Variants in BLOC1S3 observed in about 807,000 individuals in gnomAD.
The protein encoded by BLOC1S3 is biogenesis of lysosomal organelles complex 1 subunit 3.
Under a neutral mutation model 9.1 loss-of-function variants are expected in BLOC1S3, and 7 were observed. The ratio of observed to expected loss-of-function variants is 0.77; its 90% confidence interval spans 0.44 to 1.45. BLOC1S3 has a LOEUF of 1.45. Ranked by LOEUF, BLOC1S3 falls within the 40% of genes most tolerant of loss-of-function variation. The probability of loss-of-function intolerance (pLI) is 0.01; values close to 1 mark genes in which losing one functional copy is unlikely to be tolerated. For missense variants in BLOC1S3, 307 were observed against 315.2 expected (o/e 0.97, Z 0.20); for synonymous variants, 145 against 158.4 (o/e 0.92, Z 0.64).
chr19:45,200,827 T>C (rs1395981774), intron 2 of BLOC1S3, among the ~76,000 whole-genome samples: 1 of 152,230 alleles, frequency 6.6e-6, no homozygotes, highest in Non-Finnish European at 1.5e-5. Context: ...TTGAGTGTTG[T>C]GAACTAAACT....
At chr19:45,203,541 G>A (rs1336913367) in intron 3 of BLOC1S3, among the ~76,000 whole-genome samples, 2 of 152,096 alleles carry the variant, frequency 1.3e-5, no homozygotes, top group Admixed American at 1.3e-4. Flanking sequence ...CAAAGTGCTG[G>A]GATTACAGGC....
chr19:45,189,888 G>C (rs1969592650), intron 2 of BLOC1S3, among the ~76,000 whole-genome samples: 1 of 151,980 alleles, frequency 6.6e-6, no homozygotes, highest in Non-Finnish European at 1.5e-5. Flanking sequence ...TTTAAGTCCA[G>C]TAATTCTTAG....
At chr19:45,215,017 G>A (rs977536177) in intron 3 of BLOC1S3, among the ~76,000 whole-genome samples, 2 of 151,878 alleles carry the variant, frequency 1.3e-5, no homozygotes, top group Non-Finnish European at 2.9e-5. Flanking sequence ...TTAGCCGGGC[G>A]TGGTGGCACA....
chr19:45,207,570 A>C lies in BLOC1S3; in HGVS notation n.282+5063A>C, dbSNP rs796348006. On this transcript the variant is annotated intron_variant and non_coding_transcript_variant, in intron 3 of 3. Coordinates refer to the BLOC1S3 transcript ENST00000591569. ...GACTCTGTCTCAAAAAAAAAAAAAA[A>C]AAAAAAAAAAAAAAAACCTAGCTGG... Among the ~76,000 whole-genome samples, 56 of 149,160 alleles carry C rather than the reference A, an allele frequency of 3.8e-4. 1 individual carries two copies. Among genetic ancestry groups the C allele is most frequent in the Admixed American group, 6.7e-4 (10 of 14,972 alleles).
Position 45,213,898 on chromosome 19 carries a change from G to A in BLOC1S3, n.283-2778G>A, listed in dbSNP as rs1291669268. Among the ~76,000 whole-genome samples the A allele has an allele frequency of 2.6e-5, 4 of 151,920 alleles. 1 individual carries two copies. The highest frequency in any genetic ancestry group is 9.7e-5 in the African/African-American group (4 of 41,350). On this transcript the variant is annotated intron_variant and non_coding_transcript_variant, in intron 3 of 3. Transcript: ENST00000591569. The stretch of plus-strand genomic sequence containing the variant: ...AAACCTGGGAGGCAGAGGTTGCAGT[G>A]AGCTGAGATCGCGCCACTGCAGTCC...
chr19:45,179,954 T>C lies in BLOC1S3; in HGVS notation c.*49T>C, dbSNP rs532054271. ...ACTGCAATTTGGGGGTAGGCCTTGC[T>C]GCCTCTGGGACCTGACTCTGTCTCC... On this transcript the variant is annotated 3_prime_UTR_variant, in exon 2 of 2. Coordinates refer to ENST00000433642, the MANE Select transcript of BLOC1S3 (RefSeq NM_212550.5). The surrounding 1 kb of genome is among the most constrained non-coding windows in gnomAD (Gnocchi z 4.6). The C allele has an allele frequency of 6.3e-7, 1 of 1,583,656 alleles. No homozygotes were observed. Among genetic ancestry groups the C allele is most frequent in the South Asian group, 1.1e-5 (1 of 88,488 alleles).
chr19:45,208,462 C>T (rs571405868), intron 3 of BLOC1S3, among the ~76,000 whole-genome samples: 1 of 151,036 alleles, frequency 6.6e-6, no homozygotes, highest in South Asian at 2.1e-4. Context: ...CAAAAATTAG[C>T]TGGGCGTGGT....
intron 3 of BLOC1S3, among the ~76,000 whole-genome samples, chr19:45,209,439 T>G (rs1969751282): frequency 6.6e-6 from 1 of 152,070 alleles, no homozygotes; most frequent in African/African-American, 2.4e-5. Context: ...TGTTTTTTTC[T>G]GAGACAGTGT....
At chr19:45,209,000 A>T (rs1436127601) in intron 3 of BLOC1S3, among the ~76,000 whole-genome samples, 1 of 151,990 alleles carries the variant, frequency 6.6e-6, no homozygotes, top group Non-Finnish European at 1.5e-5. Flanking sequence ...AGTTAGGAGG[A>T]GTAAGTTCAG....
intron 3 of BLOC1S3, among the ~76,000 whole-genome samples, chr19:45,205,166 TTG>T (rs35726807): frequency 0.27 from 40,152 of 151,038 alleles, 6,358 homozygotes; most frequent in African/African-American, 0.42. Context: ...CCACAAGAAA[TTG>T]TGTGTGTGTG....
At chr19:45,206,416 G>T (rs1197889671) in intron 3 of BLOC1S3, among the ~76,000 whole-genome samples, 7 of 88,156 alleles carry the variant, frequency 7.9e-5, no homozygotes, top group Admixed American at 1.2e-4. Context: ...TCTGGTCATT[G>T]TTCTCTTTTT....
chr19:45,213,386 G>A (rs1490780584), intron 3 of BLOC1S3: 1 of 1,609,564 alleles, frequency 6.2e-7, no homozygotes, highest in Admixed American at 1.7e-5. Context: ...ACAGGTGCAT[G>A]CAGATCCCCA....
rs2122881095 is a variant in BLOC1S3 at position 45,179,528 on chromosome 19, A to G, written c.232A>G (p.Arg78Gly). The G allele has an allele frequency of 2.6e-6, 4 of 1,523,574 alleles. 1 individual carries two copies. The highest frequency in any genetic ancestry group is 2.3e-4 in the Middle Eastern group (1 of 4,438). 94.4% of individuals were successfully genotyped at this position (1,523,574 alleles called of 1,614,324 possible). A position where few individuals can be genotyped will look rare whatever the true frequency, so the allele number is the denominator to read the frequency against. ...GGAGCCGGAACCGACGGCCGCGCCGAGGGACCTGCCTCCACTCGTGGTGCA... is the reference window on the plus strand; with the variant it reads ...GGAGCCGGAACCGACGGCCGCGCCGGGGGACCTGCCTCCACTCGTGGTGCA... ...EPEPEPTAAP[R>G]DLPPLVVQRE... The change falls in exon 2 of 2, where the codon AGG becomes GGG. Residue 78 changes from arginine (R) to glycine (G), a missense_variant. By Grantham distance (125) the Arg-to-Gly change is moderately radical. Transcript: ENST00000433642. The surrounding 1 kb of genome is among the most constrained non-coding windows in gnomAD (Gnocchi z 4.6).
At chr19:45,188,549 AATTATTATTATTATT>A (rs61583899) in intron 2 of BLOC1S3, among the ~76,000 whole-genome samples, 30 of 143,330 alleles carry the variant, frequency 2.1e-4, no homozygotes, top group East Asian at 4.0e-4. Flanking sequence ...CATTCTTTCT[AATTATTATTATTATT>A]ATTATTATTA....
intron 3 of BLOC1S3, chr19:45,212,679 T>G (rs1171349124): frequency 6.2e-6 from 1 of 160,638 alleles, no homozygotes; most frequent in African/African-American, 2.5e-5. Context: ...CATAGCTCAC[T>G]GCAGCCTCGA....
intron 3 of BLOC1S3, among the ~76,000 whole-genome samples, chr19:45,215,766 GTCCCCTGCGGC>G (rs998626198): frequency 1.1e-4 from 16 of 152,264 alleles, no homozygotes; most frequent in African/African-American, 3.4e-4. Context: ...GTGTCCCTGA[GTCCCCTGCGGC>G]TCCCCTGCGG....
chr19:45,191,993 T>G (rs1016460394), intron 2 of BLOC1S3, among the ~76,000 whole-genome samples: 5 of 152,196 alleles, frequency 3.3e-5, no homozygotes, highest in African/African-American at 1.2e-4. Flanking sequence ...CCAGCCAGGC[T>G]TGTGTTCATC....
chr19:45,205,300 G>A (rs996254022), intron 3 of BLOC1S3, among the ~76,000 whole-genome samples: 3 of 151,888 alleles, frequency 2.0e-5, no homozygotes, highest in African/African-American at 4.8e-5. Context: ...CAAGTAGCTG[G>A]GATTACAGGT....
intron 3 of BLOC1S3, among the ~76,000 whole-genome samples, chr19:45,202,910 C>A (rs1276836790): frequency 6.6e-6 from 1 of 152,062 alleles, no homozygotes; most frequent in Non-Finnish European, 1.5e-5. Flanking sequence ...CAGCGGCTTC[C>A]CTTCTGGTCC....
Sources: allele counts gnomAD v4.1 joint callset (sites outside exome capture counted in the v4.1 genomes callset), GRCh38; gene constraint gnomAD v4.1.1; non-coding constraint Gnocchi (gnomAD v3.1); transcripts MANE v1.5; gene names NCBI Gene and HGNC (gene_info 2026-07-23, HGNC 2026-07-21).